The following TMEM38B variants were observed in gnomAD, a reference collection of about 807,000 sequenced individuals.
TMEM38B encodes transmembrane protein 38B, also known as trimeric intracellular cation channel type B.
A neutral mutation model predicts 28.7 loss-of-function variants in TMEM38B; 24 were observed. The ratio of observed to expected loss-of-function variants is 0.84; its 90% CI spans 0.61 to 1.18. TMEM38B has a LOEUF of 1.18. Ranked by LOEUF, TMEM38B falls within the 50% of genes most tolerant of loss-of-function variation. The pLI is 0.00. For missense variants in TMEM38B, 380 were observed against 350.9 expected, an observed-to-expected ratio of 1.08 and a Z score of -0.66; for synonymous variants, 131 against 127.7, an observed-to-expected ratio of 1.03 and a Z score of -0.17.
intron 4 of TMEM38B, among the ~76,000 whole-genome samples, chr9:105,746,665 A>T (rs571352532): frequency 6.6e-6 from 1 of 152,256 alleles, no homozygotes; most frequent in South Asian, 2.1e-4. Context: ...CAGTTTTCAC[A>T]GGGAATGCTT....
intron 4 of TMEM38B, among the ~76,000 whole-genome samples, chr9:105,746,474 T>C (rs563357583): frequency 6.6e-6 from 1 of 152,234 alleles, no homozygotes; most frequent in Non-Finnish European, 1.5e-5. Context: ...AAGGAGATTT[T>C]GGGCTGAGAC....
chr9:105,736,706 C>T (rs1018860375), intron 4 of TMEM38B, among the ~76,000 whole-genome samples: 1 of 152,180 alleles, frequency 6.6e-6, no homozygotes, highest in Non-Finnish European at 1.5e-5. Context: ...GCATTTATAT[C>T]TGTACATCTC....
chr9:105,738,256 A>C (rs1254989964), intron 4 of TMEM38B, among the ~76,000 whole-genome samples: 1 of 152,028 alleles, frequency 6.6e-6, no homozygotes, highest in Non-Finnish European at 1.5e-5. Flanking sequence ...GTGGGTGTTC[A>C]CGGTGGTGGT....
At chr9:105,765,639 A>T (rs1387276100) in intron 5 of TMEM38B, among the ~76,000 whole-genome samples, 2 of 152,174 alleles carry the variant, frequency 1.3e-5, no homozygotes, top group Non-Finnish European at 2.9e-5. Context: ...GTAATTACAT[A>T]TTCCTGAGTA....
At chr9:105,744,341 A>G (rs1225451438) in intron 4 of TMEM38B, among the ~76,000 whole-genome samples, 2 of 152,038 alleles carry the variant, frequency 1.3e-5, no homozygotes, top group African/African-American at 2.4e-5. Context: ...TGAGGAGTAT[A>G]TAGGAAGACA....
chr9:105,697,261 A>G (rs1183738841), intron 1 of TMEM38B, among the ~76,000 whole-genome samples: 2 of 152,166 alleles, frequency 1.3e-5, no homozygotes, highest in African/African-American at 4.8e-5. Flanking sequence ...ACTAATTTTT[A>G]GGGATGTAGA....
At chr9:105,753,104 G>A (rs527647675) in intron 5 of TMEM38B, among the ~76,000 whole-genome samples, 13 of 152,154 alleles carry the variant, frequency 8.5e-5, no homozygotes, top group African/African-American at 3.1e-4. Context: ...AATAAGACAG[G>A]CAGACAAAAA....
intron 1 of TMEM38B, among the ~76,000 whole-genome samples, chr9:105,702,147 T>C (rs7029200): frequency 0.19 from 28,201 of 152,180 alleles, 4,158 homozygotes; most frequent in East Asian, 0.46. Context: ...CCTCTGTTGC[T>C]TACGTGATTA....
rs1464625178 is a variant in TMEM38B at position 105,775,044 on chromosome 9, A to T, written c.*964A>T. ...AATTTTTCCACTATGTCTTTTTTCT[A>T]GTGGCTACTGTTTTAGTTTTCTAGT... is the stretch of plus-strand genomic sequence containing the variant. On this transcript the variant is annotated 3_prime_UTR_variant, in exon 6 of 6. Coordinates refer to ENST00000374692, the MANE Select transcript of TMEM38B (RefSeq NM_018112.3). 2 of 152,074 alleles carry T rather than the reference A, an allele frequency of 1.3e-5. No individual in the cohort carries two copies. The highest frequency in any genetic ancestry group is 2.9e-5 in the Non-Finnish European group (2 of 67,952). The allele number at this position is 152,074 out of a possible 1,614,324, so 9.4% of individuals were successfully genotyped here. A position where few individuals can be genotyped will look rare whatever the true frequency, so the allele number is the denominator to read the frequency against.
At chr9:105,748,024 G>A in intron 4 of TMEM38B, 49 bp from the exon 5 acceptor site, 1 of 1,256,376 alleles carries the variant, frequency 8.0e-7, no homozygotes, top group African/African-American at 1.5e-5. Context: ...GAAAGTTAGA[G>A]ATATGTCATA....
Position 105,774,431 on chromosome 9 carries a change from A to C in TMEM38B, c.*351A>C, listed in dbSNP as rs12338812. On this transcript the variant is annotated 3_prime_UTR_variant, in exon 6 of 6. Transcript: ENST00000374692. ...AAGCTTTTAAAAATGTAGATTTTTCATATTTTTAAAATTTGAATCTATTTG... is the reference window on the plus strand; with the variant it reads ...AAGCTTTTAAAAATGTAGATTTTTCCTATTTTTAAAATTTGAATCTATTTG... The C allele has an allele frequency of 6.3e-6, 1 of 158,236 alleles. No homozygotes were observed. Among genetic ancestry groups the C allele is most frequent in the East Asian group, 1.8e-4 (1 of 5,496 alleles). The allele number at this position is 158,236 out of a possible 1,614,324, so 9.8% of individuals were successfully genotyped here.
At chr9:105,759,476 G>A (rs898698627) in intron 5 of TMEM38B, 9 of 1,578,650 alleles carry the variant, frequency 5.7e-6, no homozygotes, top group African/African-American at 1.4e-5. Flanking sequence ...TTAAGAAACA[G>A]AGGAGTGAGT....
At chr9:105,713,326 T>C (rs1835977372) in intron 2 of TMEM38B, among the ~76,000 whole-genome samples, 1 of 152,178 alleles carries the variant, frequency 6.6e-6, no homozygotes, top group Non-Finnish European at 1.5e-5. Flanking sequence ...CCTGCACTCT[T>C]GTGGGGTCTG....
chr9:105,750,711 C>T (rs1397322788), intron 5 of TMEM38B, among the ~76,000 whole-genome samples: 5 of 152,106 alleles, frequency 3.3e-5, no homozygotes, highest in African/African-American at 4.8e-5. Context: ...GCTAAGAAAC[C>T]GTTGCCAAAT....
chr9:105,753,126 T>G (rs1005452724), intron 5 of TMEM38B, among the ~76,000 whole-genome samples: 10 of 151,378 alleles, frequency 6.6e-5, no homozygotes, highest in Non-Finnish European at 1.5e-4. Context: ...AGAGAAAAAA[T>G]AATGAAAAAG....
At chr9:105,736,061 T>G (rs1039345601) in intron 4 of TMEM38B, among the ~76,000 whole-genome samples, 4 of 151,262 alleles carry the variant, frequency 2.6e-5, no homozygotes, top group Non-Finnish European at 5.9e-5. Flanking sequence ...TTTTGTTTTT[T>G]TTTTTTTTGG....
intron 5 of TMEM38B, among the ~76,000 whole-genome samples, chr9:105,757,184 T>G (rs1429643425): frequency 6.6e-6 from 1 of 152,228 alleles, no homozygotes; most frequent in Admixed American, 6.5e-5. Context: ...GTTACTTCAC[T>G]TAGAATAATG....
At chr9:105,744,849 G>A (rs904375142) in intron 4 of TMEM38B, among the ~76,000 whole-genome samples, 1 of 151,768 alleles carries the variant, frequency 6.6e-6, no homozygotes, top group African/African-American at 2.4e-5. Flanking sequence ...TGGTTTTTTG[G>A]TCCTTGCGAT....
intron 2 of TMEM38B, among the ~76,000 whole-genome samples, chr9:105,715,906 A>T (rs573407747): frequency 6.6e-6 from 1 of 151,222 alleles, no homozygotes. Flanking sequence ...TATTCTGCTT[A>T]TTTTTTTTCT....
Sources: allele counts gnomAD v4.1 joint callset (sites outside exome capture counted in the v4.1 genomes callset), GRCh38; gene constraint gnomAD v4.1.1; transcripts MANE v1.5; gene names NCBI Gene and HGNC (gene_info 2026-07-23, HGNC 2026-07-21).